Variants in MUC5AC observed in about 807,000 individuals in gnomAD.
The protein encoded by MUC5AC is mucin 5AC, oligomeric mucus/gel-forming.
MUC5AC carries 158 observed loss-of-function variants against 169.7 expected under a neutral mutation model. The ratio of observed to expected loss-of-function variants is 0.93; its 90% CI spans 0.82 to 1.06. The LOEUF is 1.06. MUC5AC is among the 50% of genes least tolerant of loss of function. MUC5AC has a pLI of 0.00. For synonymous variants in MUC5AC, 1,975 were observed against 1,237.0 expected (o/e 1.60, Z -12.52); for missense variants, 4,359 against 3,089.9 (o/e 1.41, Z -9.74).
At position 1,193,471 on chromosome 11, in the gene MUC5AC, C is replaced by A; in HGVS notation, c.14581-14C>A. ...GGGAGAGGCCGGACCCTGCAGGTCT[C>A]TGTGCTTCTGCAGAAAGGTGAGACC... On this transcript the variant is annotated splice_polypyrimidine_tract_variant and intron_variant, in intron 32 of 48. Coordinates refer to ENST00000621226, the MANE Select transcript of MUC5AC (RefSeq NM_001304359.2). 1.4e-6 allele frequency: 1 copy of A among 717,470 alleles called. No individual in the cohort carries two copies. Among genetic ancestry groups the A allele is most frequent in the Non-Finnish European group, 2.5e-6 (1 of 393,526 alleles). The allele number at this position is 717,470 out of a possible 1,614,324, so 44.4% of individuals were successfully genotyped here.
At position 1,157,991 on chromosome 11, in the gene MUC5AC, G is replaced by A. The variant is rs568530494; in HGVS notation, c.-9G>A. The A allele has an allele frequency of 6.6e-5, 105 of 1,585,646 alleles. No individual in the cohort carries two copies. The highest frequency in any genetic ancestry group is 1.2e-4 in the East Asian group (5 of 43,432). Reference sequence around the variant, plus strand: ...GAGGGACAGGGCACTCTTCCCCGCCGTCCACACAATGAGTGTTGGCCGGAG... The same window carrying A: ...GAGGGACAGGGCACTCTTCCCCGCCATCCACACAATGAGTGTTGGCCGGAG... On this transcript the variant is annotated 5_prime_UTR_variant, in exon 1 of 49. Coordinates refer to ENST00000621226, the MANE Select transcript of MUC5AC (RefSeq NM_001304359.2).
intron 9 of MUC5AC, 53 bp downstream of exon 9, chr11:1,164,585 C>T (rs1860248529): frequency 6.4e-7 from 1 of 1,553,948 alleles, no homozygotes; most frequent in Non-Finnish European, 8.7e-7. Flanking sequence ...AACTAGGGGG[C>T]TGTGCTCCCA....
At position 1,182,277 on chromosome 11, in the gene MUC5AC, T is replaced by G. The variant is rs1860833165; in HGVS notation, c.4132T>G (p.Ser1378Ala). ...PRTRLPTASA[S>A]LPPVCGEKCL... is the part of the protein sequence containing the mutation. ...GACGAGGCTGCCCACAGCCTCTGCC[T>G]CACTGCCGCCGGTCTGTGGGGAAAA... The change falls in exon 31 of 49, where the codon TCA (serine) becomes GCA (alanine). Residue 1378 changes from serine to alanine, a missense_variant. By Grantham distance (99) the Ser-to-Ala change is moderately conservative (BLOSUM62 1). Coordinates refer to ENST00000621226, the MANE Select transcript of MUC5AC (RefSeq NM_001304359.2). The G allele has an allele frequency of 5.0e-6, 2 of 398,404 alleles. No homozygotes were observed. The highest frequency in any genetic ancestry group is 4.1e-5 in the African/African-American group (2 of 48,620). The allele number at this position is 398,404 out of a possible 1,614,324, so 24.7% of individuals were successfully genotyped here.
chr11:1,176,316 TC>T, intron 20 of MUC5AC, 65 bp downstream of exon 20: 1 of 398,784 alleles, frequency 2.5e-6, no homozygotes, highest in Non-Finnish European at 4.4e-6. Context: ...AGGGCGCCTG[TC>T]CCCAGGGTGG....
At chr11:1,196,746 G>C (rs771012812) in intron 39 of MUC5AC, 26 bp downstream of exon 39, 4 of 738,282 alleles carry the variant, frequency 5.4e-6, no homozygotes, top group Non-Finnish European at 9.9e-6. Context: ...CGGGGCTGGG[G>C]GGTGTGGCAG....
intron 35 of MUC5AC, among the ~76,000 whole-genome samples, 166 bp from the exon 36 acceptor site, chr11:1,194,846 A>G (rs1199133035): frequency 6.6e-6 from 1 of 151,770 alleles, no homozygotes; most frequent in African/African-American, 2.4e-5. Context: ...CCCCAGTACC[A>G]TAGGGACTGT....
At chr11:1,198,655 T>G (rs1765834305) in intron 43 of MUC5AC, among the ~76,000 whole-genome samples, 2 of 151,960 alleles carry the variant, frequency 1.3e-5, no homozygotes, top group South Asian at 4.2e-4. Flanking sequence ...TCCAAGGGGG[T>G]GCAGCGTGGG....
intron 9 of MUC5AC, 35 bp downstream of exon 9, chr11:1,164,567 A>G: frequency 6.3e-7 from 1 of 1,579,380 alleles, no homozygotes; most frequent in African/African-American, 1.3e-5. Flanking sequence ...ACACAGGTGC[A>G]CCCCGACAAC....
Position 1,191,467 on chromosome 11 carries a change from CCAG to C in MUC5AC, c.13324_13326del (p.Ser4442del). On this transcript the variant is annotated inframe_deletion, in exon 31 of 49. Transcript: ENST00000621226. ...ACAACCTCTGGTCCTGGAACTACTC[CCAG>C]CCCTGTTCCCACCACAAGCACAACC... 1 of 752,478 alleles carries C rather than the reference CCAG, an allele frequency of 1.3e-6. No individual in the cohort carries two copies. Among genetic ancestry groups the C allele is most frequent in the South Asian group, 1.4e-5 (1 of 73,232 alleles). The allele number at this position is 752,478 out of a possible 1,614,324, so 46.6% of individuals were successfully genotyped here. A position where few individuals can be genotyped will look rare whatever the true frequency, so the allele number is the denominator to read the frequency against.
chr11:1,186,663 C>A lies in MUC5AC; in HGVS notation c.8518C>A (p.Pro2840Thr). The change falls in exon 31 of 49, where the codon CCC becomes ACC. Residue 2840 changes from proline to threonine, a missense_variant. Transcript: ENST00000621226. ...TCCTGGAACTACTTCAAGCCCTGTT[C>A]CCACCACCAGCACAACCTCTGCCCC... ...SGPGTTSSPV[P>T]TTSTTSAPTT... The A allele has an allele frequency of 1.4e-6, 1 of 740,250 alleles. No homozygotes were observed. The highest frequency in any genetic ancestry group is 1.4e-5 in the South Asian group (1 of 70,976). The allele number at this position is 740,250 out of a possible 1,614,324, so 45.9% of individuals were successfully genotyped here. A position where few individuals can be genotyped will look rare whatever the true frequency, so the allele number is the denominator to read the frequency against.
chr11:1,189,440 G>C lies in MUC5AC; in HGVS notation c.11295G>C (p.Thr3765=). The C allele has an allele frequency of 2.1e-6, 1 of 478,988 alleles. No homozygotes were observed. 29.7% of individuals were successfully genotyped at this position (478,988 alleles called of 1,614,324 possible). The change falls in exon 31 of 49, where the codon ACG becomes ACC. Residue 3765 remains threonine (T), a synonymous_variant. Coordinates refer to ENST00000621226, the MANE Select transcript of MUC5AC (RefSeq NM_001304359.2). ...CAGCCAGCACAACGTCAGCTCCTAC[G>C]AGCACTTCCTCGGCTCCTACAACCA... is the stretch of plus-strand genomic sequence containing the variant. ...APTASTTSAP[T]STSSAPTTNT...
rs1861024950 is a variant in MUC5AC, at chr11:1,189,300, A to G, written c.11155A>G (p.Thr3719Ala). 2 of 580,582 alleles carry G rather than the reference A, an allele frequency of 3.4e-6. No individual in the cohort carries two copies. The highest frequency in any genetic ancestry group is 6.1e-6 in the Non-Finnish European group (2 of 327,084). The allele number at this position is 580,582 out of a possible 1,614,324, so 36.0% of individuals were successfully genotyped here. ...CAGCACAACCTCCACTCCACAGACC[A>G]CCACATCCTCTGCCCCTACAAGCAG... is the stretch of plus-strand genomic sequence containing the variant. ...TTSTTSTPQT[T>A]TSSAPTSSTT... is the part of the protein sequence containing the mutation. Residue 3719 changes from threonine to alanine, a missense_variant, in exon 31 of 49, where the codon ACC becomes GCC. Coordinates refer to ENST00000621226, the MANE Select transcript of MUC5AC (RefSeq NM_001304359.2).
In MUC5AC at chr11:1,174,474, C is replaced by G. The variant is rs903785682; in HGVS notation, c.1966-22C>G. ...GGTGTGGGCTGGGGTCTCTGATGCC[C>G]CGATGACCCCCTTCCCTGCAGAACT... On this transcript the variant is annotated intron_variant, in intron 16 of 48. Transcript: ENST00000621226. 87 of 1,447,494 alleles carry G rather than the reference C, an allele frequency of 6.0e-5. No homozygotes were observed. In the African/African-American group the frequency reaches 1.1e-3, roughly 19 times the overall value. The allele number at this position is 1,447,494 out of a possible 1,614,324, so 89.7% of individuals were successfully genotyped here. A position where few individuals can be genotyped will look rare whatever the true frequency, so the allele number is the denominator to read the frequency against.
rs536813163 is a variant in MUC5AC at position 1,193,619 on chromosome 11, G to A, written c.14715G>A (p.Val4905=). ...CCAACGGCTACCCGGCTGTGAAGGT[G>A]GCTGACCAAGATGGCTGCTGCCATC... ...TCANGYPAVK[V]ADQDGCCHHY... The change falls in exon 33 of 49, where the codon GTG becomes GTA. Residue 4905 remains valine, a synonymous_variant. Transcript: ENST00000621226. 1.3e-6 allele frequency: 1 copy of A among 765,018 alleles called. No individual in the cohort carries two copies. Among genetic ancestry groups the A allele is most frequent in the East Asian group, 2.4e-5 (1 of 41,246 alleles). The allele number at this position is 765,018 out of a possible 1,614,324, so 47.4% of individuals were successfully genotyped here. A position where few individuals can be genotyped will look rare whatever the true frequency, so the allele number is the denominator to read the frequency against.
rs574368713 is a variant in MUC5AC, at chr11:1,200,532, G to C, written c.16795G>C (p.Gly5599Arg). Residue 5599 changes from glycine (G) to arginine (R), a missense_variant, in exon 49 of 49, where the codon GGC becomes CGC. By Grantham distance (125) the Gly-to-Arg change is moderately radical. Coordinates refer to ENST00000621226, the MANE Select transcript of MUC5AC (RefSeq NM_001304359.2). ...LRNVTLHCTDGSSRAFSYTEV... is the reference protein window; with the variant it reads ...LRNVTLHCTDRSSRAFSYTEV... The stretch of plus-strand genomic sequence containing the variant: ...GAATGTGACCCTGCACTGCACCGAC[G>C]GCTCCAGCCGGGCCTTCAGCTACAC... 9 of 762,954 alleles carry C rather than the reference G, an allele frequency of 1.2e-5. No homozygotes were observed. Among genetic ancestry groups the C allele is most frequent in the South Asian group, 4.0e-5 (3 of 74,326 alleles). 47.3% of individuals were successfully genotyped at this position (762,954 alleles called of 1,614,324 possible). A position where few individuals can be genotyped will look rare whatever the true frequency, so the allele number is the denominator to read the frequency against.
At position 1,194,250 on chromosome 11, in the gene MUC5AC, T is replaced by A. The variant is rs777400303; in HGVS notation, c.14896T>A (p.Phe4966Ile). The change falls in exon 34 of 49, where the codon TTC (phenylalanine) becomes ATC (isoleucine). Residue 4966 changes from phenylalanine (F) to isoleucine (I), a missense_variant. Physicochemically the swap from Phe to Ile is conservative, Grantham distance 21 (BLOSUM62 0). Coordinates refer to ENST00000621226, the MANE Select transcript of MUC5AC (RefSeq NM_001304359.2). ...GHFRVLVDNY[F>I]CGAEDGLSCP... Reference sequence around the variant, plus strand: ...CTTCCGCGTGCTCGTCGACAACTACTTCTGCGGTGCGGAGGACGGGCTCTC... The same window carrying A: ...CTTCCGCGTGCTCGTCGACAACTACATCTGCGGTGCGGAGGACGGGCTCTC... The A allele has an allele frequency of 1.8e-5, 14 of 764,738 alleles. No homozygotes were observed. The highest frequency in any genetic ancestry group is 3.1e-5 in the Non-Finnish European group (13 of 417,750). The allele number at this position is 764,738 out of a possible 1,614,324, so 47.4% of individuals were successfully genotyped here. A position where few individuals can be genotyped will look rare whatever the true frequency, so the allele number is the denominator to read the frequency against.
In MUC5AC at chr11:1,168,895, A is replaced by G; in HGVS notation, c.1739A>G (p.Asp580Gly). ...GGGAACTTCAACAGCATCCAGGCCG[A>G]TGACTTCCGGACCCTCAGTGGGGTG... ...LCGNFNSIQA[D>G]DFRTLSGVVE... Residue 580 changes from aspartate (D) to glycine (G), a missense_variant, in exon 15 of 49, where the codon GAT (aspartate) becomes GGT (glycine). By Grantham distance (94) the Asp-to-Gly change is moderately conservative. Transcript: ENST00000621226. 6.2e-7 allele frequency: 1 copy of G among 1,607,612 alleles called. No homozygotes were observed. The highest frequency in any genetic ancestry group is 8.5e-7 in the Non-Finnish European group (1 of 1,176,864).
At position 1,160,580 on chromosome 11, in the gene MUC5AC, A is replaced by C. The variant is rs181232490; in HGVS notation, c.74-32A>C. The C allele has an allele frequency of 1.9e-4, 305 of 1,586,108 alleles. 1 individual carries two copies. In the African/African-American group the frequency reaches 4.0e-3, roughly 21 times the overall value. The stretch of plus-strand genomic sequence containing the variant: ...GCCTGAGCCCCCTCAGCCACCCTGC[A>C]TCTGGGCTCAGCCCCCCTCCTCTTT... On this transcript the variant is annotated intron_variant, in intron 1 of 48. Coordinates refer to ENST00000621226, the MANE Select transcript of MUC5AC (RefSeq NM_001304359.2).
Position 1,162,666 on chromosome 11 carries a change from T to G in MUC5AC, c.588+20T>G. ...CTGCTGGTGAGGCTGGGTGGGGGTG[T>G]CCCGGTGTGCAACTCCAGCCCTCGA... On this transcript the variant is annotated intron_variant, in intron 5 of 48. Transcript: ENST00000621226. 1 of 1,605,402 alleles carries G rather than the reference T, an allele frequency of 6.2e-7. No individual in the cohort carries two copies.
Sources: gnomAD v4.1 joint callset for allele counts (sites outside exome capture counted in the v4.1 genomes callset) on GRCh38, gnomAD v4.1.1 for gene constraint, MANE v1.5 for transcripts, NCBI Gene and HGNC (gene_info 2026-07-23, HGNC 2026-07-21) for gene names.